Variants in PI4K2A observed in about 807,000 individuals in gnomAD.
The protein encoded by PI4K2A is phosphatidylinositol 4-kinase type 2 alpha.
Under a neutral mutation model 55.0 loss-of-function variants are expected in PI4K2A, and 20 were observed. The ratio of observed to expected loss-of-function variants is 0.36; its 90% CI spans 0.26 to 0.53. The LOEUF is 0.53. Among genes scored for constraint, PI4K2A ranks in the 20% least tolerant of loss-of-function variants. The pLI, the probability that PI4K2A is intolerant of heterozygous loss-of-function variation, is 0.91. For missense variants in PI4K2A, 463 were observed against 637.1 expected (o/e 0.73, Z 2.94); for synonymous variants, 235 against 258.5 (o/e 0.91, Z 0.87).
At chr10:97,676,316 G>A (rs1176620915) in exon 9 of PI4K2A, 3 of 152,222 alleles carry the variant, frequency 2.0e-5, no homozygotes, top group African/African-American at 7.2e-5. Context: ...GTTCCTTTTA[G>A]TGTGATTCTT....
intron 4 of PI4K2A, among the ~76,000 whole-genome samples, chr10:97,659,932 C>T (rs890143382): frequency 2.6e-4 from 40 of 152,110 alleles, no homozygotes; most frequent in African/African-American, 9.4e-4. Context: ...TTCCCAGAAT[C>T]CTCTCTCTTA....
intron 4 of PI4K2A, among the ~76,000 whole-genome samples, chr10:97,658,869 A>G (rs1431712946): frequency 3.3e-5 from 5 of 152,246 alleles, no homozygotes; most frequent in South Asian, 4.1e-4. Flanking sequence ...GGCCAATCAT[A>G]TATCTTCTTT....
At chr10:97,657,010 G>C (rs772306029) in intron 4 of PI4K2A, 36 bp downstream of exon 4, 1 of 1,612,180 alleles carries the variant, frequency 6.2e-7, no homozygotes. Context: ...CCCTGTGCCA[G>C]ACTGTGTTGA....
At chr10:97,653,941 A>G (rs750718785) in intron 2 of PI4K2A, among the ~76,000 whole-genome samples, 20 of 152,142 alleles carry the variant, frequency 1.3e-4, no homozygotes, top group Non-Finnish European at 2.1e-4. Context: ...CTTGTCTTCC[A>G]TGAGACTGAG....
intron 1 of PI4K2A, among the ~76,000 whole-genome samples, chr10:97,648,006 C>G (rs1313296542): frequency 5.3e-5 from 8 of 151,718 alleles, no homozygotes; most frequent in African/African-American, 1.9e-4. Context: ...ATGCTTCTAG[C>G]TCACTGCAGC....
rs1293512769 is a variant in PI4K2A, at chr10:97,642,873, C to CT, written c.435+1699dup. On this transcript the variant is annotated intron_variant, in intron 1 of 8. Transcript: ENST00000370631. ...TTCCTTTCTTTCTTTCTTTTTCTTT[C>CT]TTTCTTTCTTTCTTCCTTCCTTCCT... Among the ~76,000 whole-genome samples, 2 of 111,580 alleles carry CT rather than the reference C, an allele frequency of 1.8e-5. 1 individual carries two copies. Among genetic ancestry groups the CT allele is most frequent in the African/African-American group, 7.8e-5 (2 of 25,776 alleles). The allele number at this position is 111,580 out of a possible 152,430, so 73.2% of individuals were successfully genotyped here. A position where few individuals can be genotyped will look rare whatever the true frequency, so the allele number is the denominator to read the frequency against.
At chr10:97,642,100 G>A (rs552825195) in intron 1 of PI4K2A, among the ~76,000 whole-genome samples, 4 of 152,274 alleles carry the variant, frequency 2.6e-5, no homozygotes, top group African/African-American at 9.6e-5. Flanking sequence ...AAGATGTATT[G>A]TTATTTAAAT....
chr10:97,660,830 A>G (rs912840127), intron 4 of PI4K2A, among the ~76,000 whole-genome samples: 4 of 152,040 alleles, frequency 2.6e-5, no homozygotes, highest in Non-Finnish European at 4.4e-5. Flanking sequence ...ATTTCAAAAT[A>G]CACAAAAGTA....
intron 1 of PI4K2A, among the ~76,000 whole-genome samples, chr10:97,647,721 C>T (rs2041512149): frequency 1.3e-5 from 2 of 151,140 alleles, no homozygotes; most frequent in South Asian, 4.2e-4. Context: ...CATACTCTAA[C>T]ATTCCCTCAT....
At chr10:97,645,082 G>C (rs2041498539) in intron 1 of PI4K2A, among the ~76,000 whole-genome samples, 1 of 152,108 alleles carries the variant, frequency 6.6e-6, no homozygotes, top group Admixed American at 6.6e-5. Context: ...AACTGCAAAA[G>C]GGTTTTTTGA....
At chr10:97,660,552 C>G (rs1047321921) in intron 4 of PI4K2A, among the ~76,000 whole-genome samples, 1 of 152,128 alleles carries the variant, frequency 6.6e-6, no homozygotes, top group Non-Finnish European at 1.5e-5. Flanking sequence ...CCTTGGCCTC[C>G]CAAAGTGCTG....
intron 8 of PI4K2A, among the ~76,000 whole-genome samples, chr10:97,670,138 G>A (rs961671083): frequency 2.6e-5 from 4 of 152,070 alleles, no homozygotes; most frequent in Non-Finnish European, 5.9e-5. Context: ...GGCCTCAAGC[G>A]ATCCTCCTGC....
intron 1 of PI4K2A, among the ~76,000 whole-genome samples, chr10:97,641,797 T>C (rs752277182): frequency 4.6e-5 from 7 of 152,198 alleles, no homozygotes; most frequent in African/African-American, 7.2e-5. Context: ...AAAGTTTAGA[T>C]AGAACTTGGA....
At chr10:97,641,063 T>C in exon 1 of PI4K2A, 4 of 1,606,936 alleles carry the variant, frequency 2.5e-6, no homozygotes, top group Non-Finnish European at 3.4e-6. Flanking sequence ...TCCCGGAGGA[T>C]CCTGAGTTCG....
chr10:97,665,107 C>T (rs984193419), intron 6 of PI4K2A, 123 bp downstream of exon 6: 13 of 627,568 alleles, frequency 2.1e-5, no homozygotes, highest in South Asian at 4.2e-5. Context: ...TAATGGAGTT[C>T]AGGCACTTTA....
chr10:97,665,566 G>T (rs555056644), intron 6 of PI4K2A, among the ~76,000 whole-genome samples: 1 of 151,990 alleles, frequency 6.6e-6, no homozygotes, highest in Admixed American at 6.6e-5. Context: ...GAGCCACTGC[G>T]CCTGGCTGAG....
chr10:97,642,932 T>C lies in PI4K2A; in HGVS notation c.435+1755T>C, dbSNP rs965856445. Among the ~76,000 whole-genome samples, 34 of 143,354 alleles carry C rather than the reference T, an allele frequency of 2.4e-4. 1 individual carries two copies. The highest frequency in any genetic ancestry group is 7.5e-4 in the African/African-American group (27 of 36,154). The allele number at this position is 143,354 out of a possible 152,430, so 94.0% of individuals were successfully genotyped here. On this transcript the variant is annotated intron_variant, in intron 1 of 8. Coordinates refer to ENST00000370631, the Ensembl canonical transcript of PI4K2A. ...TCCTTCCTTCCTTCCTTCCTTTCTT[T>C]CCTTTCTTTCTTTCTCTTTCTTTCT...
intron 8 of PI4K2A, among the ~76,000 whole-genome samples, chr10:97,673,011 G>A (rs1231727434): frequency 6.6e-6 from 1 of 150,590 alleles, no homozygotes; most frequent in African/African-American, 2.4e-5. Flanking sequence ...TTGAGATGGA[G>A]TCTCTCACTC....
At chr10:97,670,995 G>C (rs979544144) in intron 8 of PI4K2A, among the ~76,000 whole-genome samples, 1 of 152,130 alleles carries the variant, frequency 6.6e-6, no homozygotes, top group Non-Finnish European at 1.5e-5. Context: ...AAATTAGCTG[G>C]GTGTGGTGGT....
Sources: allele counts gnomAD v4.1 joint callset (sites outside exome capture counted in the v4.1 genomes callset), GRCh38; gene constraint gnomAD v4.1.1; transcripts MANE v1.5; gene names NCBI Gene and HGNC (gene_info 2026-07-23, HGNC 2026-07-21).